NBEAL1: variants seen among roughly 807,000 people sequenced by gnomAD.
NBEAL1 encodes neurobeachin-like protein 1.
A neutral mutation model predicts 351.3 loss-of-function variants in NBEAL1; 273 were observed. The observed-to-expected ratio is 0.78, with a 90% CI of 0.70 to 0.86. The LOEUF (loss-of-function observed/expected upper bound fraction) is 0.86, where lower values mean the gene tolerates loss of function less well. NBEAL1 is among the 40% of genes least tolerant of loss of function. The pLI is 0.00. For missense variants in NBEAL1, 2,961 were observed against 3,201.3 expected, an observed-to-expected ratio of 0.92 and a Z score of 1.81; for synonymous variants, 1,050 against 1,086.4, an observed-to-expected ratio of 0.97 and a Z score of 0.66.
intron 35 of NBEAL1, among the ~76,000 whole-genome samples, chr2:203,156,083 C>T (rs2063790852): frequency 6.6e-6 from 1 of 152,166 alleles, no homozygotes; most frequent in African/African-American, 2.4e-5. Context: ...TATGTGTATT[C>T]CTTACCCTAG....
intron 2 of NBEAL1, chr2:203,040,305 G>A: frequency 1.3e-6 from 1 of 751,658 alleles, no homozygotes; most frequent in Non-Finnish European, 2.4e-6. Flanking sequence ...AATGTGACAA[G>A]GTGCATCTCA....
chr2:203,215,816 G>A (rs959375310), intron 55 of NBEAL1, among the ~76,000 whole-genome samples: 3 of 152,024 alleles, frequency 2.0e-5, no homozygotes, highest in African/African-American at 7.2e-5. Context: ...TTTGAGACCA[G>A]CCTGGGCAAC....
intron 15 of NBEAL1, among the ~76,000 whole-genome samples, chr2:203,111,174 T>C (rs547754350): frequency 6.6e-6 from 1 of 152,052 alleles, no homozygotes; most frequent in Non-Finnish European, 1.5e-5. Context: ...CTACAAAAAA[T>C]TGAAAAATTA....
At chr2:203,032,903 G>T (rs932101780) in intron 2 of NBEAL1, among the ~76,000 whole-genome samples, 1 of 151,168 alleles carries the variant, frequency 6.6e-6, no homozygotes, top group African/African-American at 2.4e-5. Flanking sequence ...GACCTCGGGT[G>T]ATCCACCTAC....
chr2:203,173,831 T>C (rs563590087), intron 41 of NBEAL1, among the ~76,000 whole-genome samples: 1 of 152,158 alleles, frequency 6.6e-6, no homozygotes, highest in Non-Finnish European at 1.5e-5. Context: ...ACCTGAAAAC[T>C]TTTTTATTCT....
At chr2:203,035,932 T>C (rs2061034103) in intron 2 of NBEAL1, among the ~76,000 whole-genome samples, 1 of 149,246 alleles carries the variant, frequency 6.7e-6, no homozygotes, top group African/African-American at 2.4e-5. Context: ...GCCCTTGATA[T>C]GGGTTAAATT....
intron 44 of NBEAL1, among the ~76,000 whole-genome samples, chr2:203,186,347 G>A (rs6733725): frequency 0.029 from 4,474 of 152,300 alleles, 224 homozygotes; most frequent in African/African-American, 0.1. Flanking sequence ...ACTAAAGAGA[G>A]AAGTTATTTG....
chr2:203,087,761 T>C (rs1158605944), intron 10 of NBEAL1, among the ~76,000 whole-genome samples: 1 of 152,222 alleles, frequency 6.6e-6, no homozygotes, highest in Non-Finnish European at 1.5e-5. Context: ...CTTTTAGAAG[T>C]CTGTGGGGTG....
rs2061042917 is a variant in NBEAL1, at chr2:203,036,559, G to C, written c.52-5206G>C. ...CCCTTTTCTAACCTGTAAAATGAGG[G>C]AAATTAAATCTTCTTCATTGGATAG... On this transcript the variant is annotated intron_variant, in intron 2 of 55. Coordinates refer to ENST00000683969, the MANE Select transcript of NBEAL1 (RefSeq NM_001378026.1). Among the ~76,000 whole-genome samples, 4 of 149,082 alleles carry C rather than the reference G, an allele frequency of 2.7e-5. 1 individual carries two copies. Among genetic ancestry groups the C allele is most frequent in the Non-Finnish European group, 6.0e-5 (4 of 66,532 alleles).
chr2:203,167,834 C>G (rs923207692), intron 38 of NBEAL1, among the ~76,000 whole-genome samples: 2 of 152,154 alleles, frequency 1.3e-5, no homozygotes, highest in African/African-American at 4.8e-5. Flanking sequence ...TGCTTGGGCC[C>G]GGCCTTCCTC....
chr2:203,194,217 T>C (rs1021771936), intron 47 of NBEAL1, among the ~76,000 whole-genome samples: 1 of 152,150 alleles, frequency 6.6e-6, no homozygotes, highest in African/African-American at 2.4e-5. Flanking sequence ...TAGATGGAGA[T>C]AATAATTTAA....
chr2:203,122,633 C>G (rs1356054524), intron 19 of NBEAL1, among the ~76,000 whole-genome samples: 1 of 152,182 alleles, frequency 6.6e-6, no homozygotes, highest in African/African-American at 2.4e-5. Context: ...GGGCAACTGT[C>G]TGTGTGGAGT....
chr2:203,190,847 G>T, intron 46 of NBEAL1: 2 of 1,610,996 alleles, frequency 1.2e-6, no homozygotes, highest in Admixed American at 1.7e-5. Flanking sequence ...GGTGAAGTCG[G>T]TGCCACTTCT....
chr2:203,141,357 A>ATTTTTTT (rs1559399229), intron 31 of NBEAL1, among the ~76,000 whole-genome samples: 1 of 11,664 alleles, frequency 8.6e-5, no homozygotes, highest in Non-Finnish European at 2.1e-4. Flanking sequence ...TATTATTATT[A>ATTTTTTT]TTATTATTAT....
At chr2:203,060,562 G>A (rs1176052154) in intron 6 of NBEAL1, among the ~76,000 whole-genome samples, 3 of 152,224 alleles carry the variant, frequency 2.0e-5, no homozygotes, top group Admixed American at 1.3e-4. Context: ...ACTTAAGAGA[G>A]AAGAATTTTA....
chr2:203,106,860 T>A (rs1212994284), intron 12 of NBEAL1, among the ~76,000 whole-genome samples: 1 of 152,154 alleles, frequency 6.6e-6, no homozygotes, highest in Admixed American at 6.5e-5. Context: ...TGCCTACTGG[T>A]TCAAAAATAC....
At chr2:203,205,111 A>G (rs1175611304) in intron 51 of NBEAL1, among the ~76,000 whole-genome samples, 4 of 152,172 alleles carry the variant, frequency 2.6e-5, no homozygotes, top group African/African-American at 9.7e-5. Context: ...CATTTAGTAT[A>G]GTGTTTGCTG....
chr2:203,128,421 A>G (rs1367919156), intron 24 of NBEAL1, among the ~76,000 whole-genome samples: 2 of 151,486 alleles, frequency 1.3e-5, no homozygotes, highest in Non-Finnish European at 2.9e-5. Flanking sequence ...AGTAAATTTT[A>G]TCTACTAACT....
intron 2 of NBEAL1, among the ~76,000 whole-genome samples, chr2:203,032,185 T>C (rs538528650): frequency 6.6e-6 from 1 of 152,172 alleles, no homozygotes; most frequent in Middle Eastern, 3.2e-3. Flanking sequence ...GACTGTGTCC[T>C]TAGTTGGCAT....
Sources: gnomAD v4.1 joint callset for allele counts (sites outside exome capture counted in the v4.1 genomes callset) on GRCh38, gnomAD v4.1.1 for gene constraint, MANE v1.5 for transcripts, NCBI Gene and HGNC (gene_info 2026-07-23, HGNC 2026-07-21) for gene names.